The following UBE2G2 variants were observed in gnomAD, a reference collection of about 807,000 sequenced individuals.
The protein encoded by UBE2G2 is ubiquitin conjugating enzyme E2 G2.
Under a neutral mutation model 23.0 loss-of-function variants are expected in UBE2G2, and 10 were observed. That is an observed-to-expected ratio of 0.43 (90% CI 0.27 to 0.74). The LOEUF (loss-of-function observed/expected upper bound fraction) is 0.74. Among genes scored for constraint, UBE2G2 ranks in the 30% least tolerant of loss-of-function variants. The pLI is 0.19. For missense variants in UBE2G2, 150 were observed against 218.3 expected (o/e 0.69, Z 1.97); for synonymous variants, 86 against 81.3 (o/e 1.06, Z -0.31).
At chr21:44,792,519 C>T (rs891899837) in intron 1 of UBE2G2, among the ~76,000 whole-genome samples, 1 of 152,120 alleles carries the variant, frequency 6.6e-6, no homozygotes, top group South Asian at 2.1e-4. Context: ...TCTCTCCTAC[C>T]GCCTTGAGAA....
chr21:44,798,039 T>A (rs934074184), intron 1 of UBE2G2, among the ~76,000 whole-genome samples: 1 of 152,124 alleles, frequency 6.6e-6, no homozygotes, highest in South Asian at 2.1e-4. Flanking sequence ...ATGCCTGTAG[T>A]CTCAGCTACT....
chr21:44,785,559 C>T (rs921453233), intron 3 of UBE2G2: 6 of 152,194 alleles, frequency 3.9e-5, no homozygotes, highest in Non-Finnish European at 1.5e-5. Flanking sequence ...CAAAAACCAA[C>T]AGCCGTTCGA....
rs2082855566 is a variant in UBE2G2 at position 44,769,516 on chromosome 21, G to C, written c.*1861C>G. The C allele has an allele frequency of 6.6e-6, 1 of 152,118 alleles. No homozygotes were observed. Among genetic ancestry groups the C allele is most frequent in the South Asian group, 2.1e-4 (1 of 4,834 alleles). 9.4% of individuals were successfully genotyped at this position (152,118 alleles called of 1,614,324 possible). Reference sequence around the variant, plus strand: ...CTGCCTCAGTCTTCAGAGTAGCTGGGACTACAGGCGCCCGCCACCACGCCC... The same window carrying C: ...CTGCCTCAGTCTTCAGAGTAGCTGGCACTACAGGCGCCCGCCACCACGCCC... On this transcript the variant is annotated 3_prime_UTR_variant, in exon 6 of 6. Transcript: ENST00000345496.
chr21:44,794,402 A>G (rs1421080278), intron 1 of UBE2G2, among the ~76,000 whole-genome samples: 1 of 152,290 alleles, frequency 6.6e-6, no homozygotes, highest in Non-Finnish European at 1.5e-5. Context: ...TAAAACATCT[A>G]GAAGAAATCA....
At chr21:44,786,087 TA>T (rs35453630) in intron 3 of UBE2G2, among the ~76,000 whole-genome samples, 118,252 of 151,990 alleles carry the variant, frequency 0.78, 46,606 homozygotes, top group African/African-American at 0.91. Flanking sequence ...ACCCCACAAA[TA>T]ACTGCAGACA....
At position 44,786,193 on chromosome 21, in the gene UBE2G2, C is replaced by T. The variant is rs940508007; in HGVS notation, c.125+1727G>A. On this transcript the variant is annotated intron_variant, in intron 3 of 5. Transcript: ENST00000345496. ...TGCCCCGCTGGCATGAGTGCAGGTG[C>T]GCCTGCATTAACACATGAAACAAGC... Among the ~76,000 whole-genome samples the T allele has an allele frequency of 5.3e-5, 8 of 152,154 alleles. No individual in the cohort carries two copies. In the South Asian group the frequency reaches 8.3e-4, roughly 16 times the overall value.
chr21:44,801,673 G>A (rs2083139719), intron 1 of UBE2G2, 33 bp downstream of exon 1: 5 of 1,505,146 alleles, frequency 3.3e-6, no homozygotes, highest in Non-Finnish European at 4.4e-6. Context: ...AGGAACGCGG[G>A]ACGCTGCTGA....
intron 3 of UBE2G2, among the ~76,000 whole-genome samples, chr21:44,780,547 G>A (rs1239917395): frequency 2.6e-5 from 4 of 152,134 alleles, no homozygotes; most frequent in Admixed American, 6.5e-5. Context: ...AAACTCTTTC[G>A]GAGCTGAGCT....
intron 1 of UBE2G2, among the ~76,000 whole-genome samples, chr21:44,792,455 G>T (rs1379534269): frequency 6.6e-6 from 1 of 152,126 alleles, no homozygotes; most frequent in African/African-American, 2.4e-5. Flanking sequence ...CGAGTTCTCA[G>T]GAGACATGAT....
intron 3 of UBE2G2, among the ~76,000 whole-genome samples, chr21:44,785,313 C>A (rs921399289): frequency 6.6e-6 from 1 of 152,148 alleles, no homozygotes; most frequent in African/African-American, 2.4e-5. Context: ...GAGTTATTCC[C>A]GGTGTTTAAA....
At chr21:44,801,250 T>A in intron 1 of UBE2G2, 2 of 958,480 alleles carry the variant, frequency 2.1e-6, no homozygotes, top group Non-Finnish European at 2.5e-6. Context: ...TCAAAAACCC[T>A]TTTCCTTCAT....
At chr21:44,773,897 G>A (rs2082893580) in intron 4 of UBE2G2, 1 of 587,558 alleles carries the variant, frequency 1.7e-6, no homozygotes, top group Non-Finnish European at 2.8e-6. Flanking sequence ...ACAGGCTCCA[G>A]GCTGACCCAG....
chr21:44,784,899 G>A (rs143280863), intron 3 of UBE2G2, among the ~76,000 whole-genome samples: 23 of 152,336 alleles, frequency 1.5e-4, no homozygotes, highest in Non-Finnish European at 2.8e-4. Context: ...TGCTGGGGCA[G>A]GACACAGAGG....
chr21:44,791,242 TA>T (rs1328056335), intron 1 of UBE2G2, among the ~76,000 whole-genome samples: 1 of 152,098 alleles, frequency 6.6e-6, no homozygotes, highest in African/African-American at 2.4e-5. Context: ...GAAATTCAAA[TA>T]AGTAACAAGG....
intron 4 of UBE2G2, 199 bp from the exon 5 acceptor site, chr21:44,773,886 G>T: frequency 1.5e-6 from 1 of 661,522 alleles, no homozygotes; most frequent in Non-Finnish European, 2.4e-6. Flanking sequence ...CTCACTCACT[G>T]ACAGGCTCCA....
chr21:44,792,875 G>A (rs2083056593), intron 1 of UBE2G2, among the ~76,000 whole-genome samples: 1 of 152,240 alleles, frequency 6.6e-6, no homozygotes, highest in African/African-American at 2.4e-5. Flanking sequence ...GGAGGGGCCA[G>A]CAAGGCAGGC....
chr21:44,786,818 G>A (rs1045943260), intron 3 of UBE2G2, among the ~76,000 whole-genome samples: 97 of 152,176 alleles, frequency 6.4e-4, no homozygotes, highest in Non-Finnish European at 4.4e-4. Flanking sequence ...TGGGCTTGGC[G>A]CGGTGGCTCA....
In UBE2G2 at chr21:44,772,242, C is replaced by G. The variant is rs1555960015; in HGVS notation, c.386-753G>C. Among the ~76,000 whole-genome samples, 1 of 152,136 alleles carries G rather than the reference C, an allele frequency of 6.6e-6. No individual in the cohort carries two copies. Among genetic ancestry groups the G allele is most frequent in the Admixed American group, 6.5e-5 (1 of 15,284 alleles). On this transcript the variant is annotated intron_variant, in intron 5 of 5. Coordinates refer to ENST00000345496, the MANE Select transcript of UBE2G2 (RefSeq NM_003343.6). The surrounding 1 kb of genome is among the most constrained non-coding windows in gnomAD (Gnocchi z 5.4). ...TGACATCTGAGGACAGCCTGAGCCA[C>G]TGCCTCCCTCCCAATCTCCAATCCC...
At chr21:44,799,820 T>TC (rs1278906189) in intron 1 of UBE2G2, among the ~76,000 whole-genome samples, 2 of 152,246 alleles carry the variant, frequency 1.3e-5, no homozygotes, top group Non-Finnish European at 2.9e-5. Flanking sequence ...CTTTCAACAT[T>TC]CCTTCCTCAC....
Sources: allele counts gnomAD v4.1 joint callset (sites outside exome capture counted in the v4.1 genomes callset), GRCh38; gene constraint gnomAD v4.1.1; non-coding constraint Gnocchi (gnomAD v3.1); transcripts MANE v1.5; gene names NCBI Gene and HGNC (gene_info 2026-07-23, HGNC 2026-07-21).